Variants in ZNF792 observed in about 807,000 individuals in gnomAD.
ZNF792 encodes zinc finger protein 792.
A neutral mutation model predicts 13.1 loss-of-function variants in ZNF792; 14 were observed. The observed-to-expected ratio is 1.07, with a 90% CI of 0.71 to 1.67. The LOEUF (loss-of-function observed/expected upper bound fraction) is 1.67, where lower values mean the gene tolerates loss of function less well. Among genes scored for constraint, ZNF792 ranks in the 40% most tolerant of loss-of-function variants. ZNF792 has a pLI of 0.00. For missense variants in ZNF792, 740 were observed against 807.9 expected, an observed-to-expected ratio of 0.92 and a Z score of 1.02; for synonymous variants, 257 against 292.0, an observed-to-expected ratio of 0.88 and a Z score of 1.22.
intron 1 of ZNF792, 86 bp downstream of exon 1, chr19:34,963,544 T>C: frequency 6.5e-7 from 1 of 1,542,362 alleles, no homozygotes; most frequent in Non-Finnish European, 8.8e-7. Flanking sequence ...CGAAAAGTCC[T>C]AGAACAAAGC....
At position 34,964,031 on chromosome 19, in the gene ZNF792, T is replaced by G; in HGVS notation, c.-369A>C. The G allele has an allele frequency of 4.1e-6, 1 of 244,404 alleles. No homozygotes were observed. The allele number at this position is 244,404 out of a possible 1,614,324, so 15.1% of individuals were successfully genotyped here. ...CCCCCAACTCGGGGTCCCCAGCTCC[T>G]GGGGACTCAGCCTCCCCGCCGGGAA... On this transcript the variant is annotated 5_prime_UTR_variant, in exon 1 of 4. Coordinates refer to ENST00000404801, the MANE Select transcript of ZNF792 (RefSeq NM_175872.5).
chr19:34,963,950 T>C lies in ZNF792; in HGVS notation c.-288A>G, dbSNP rs1026882111. ...GGGGGTCCCGGCCTCACTGTCCCCCTCGCGGTCCGGGAAAGCCGGCGGGGC... is the reference window on the plus strand; with the variant it reads ...GGGGGTCCCGGCCTCACTGTCCCCCCCGCGGTCCGGGAAAGCCGGCGGGGC... On this transcript the variant is annotated 5_prime_UTR_variant, in exon 1 of 4. Coordinates refer to ENST00000404801, the MANE Select transcript of ZNF792 (RefSeq NM_175872.5). The C allele has an allele frequency of 2.6e-6, 1 of 388,590 alleles. No homozygotes were observed. The highest frequency in any genetic ancestry group is 4.5e-5 in the Admixed American group (1 of 22,350). 24.1% of individuals were successfully genotyped at this position (388,590 alleles called of 1,614,324 possible).
At position 34,963,633 on chromosome 19, in the gene ZNF792, C is replaced by T. The variant is rs1176072497; in HGVS notation, c.30G>A (p.Ala10=). The T allele has an allele frequency of 5.0e-6, 8 of 1,602,380 alleles. No individual in the cohort carries two copies. Among genetic ancestry groups the T allele is most frequent in the Middle Eastern group, 1.6e-4 (1 of 6,064 alleles). The change falls in exon 1 of 4, where the codon GCG becomes GCA. Residue 10 remains alanine, a synonymous_variant. Transcript: ENST00000404801. ...GGCCTAACGTCCAAGCACTCACCTG[C>T]GCGGGGTCCCGCAGCGCCGCCGCTG... is the stretch of plus-strand genomic sequence containing the variant. The part of the protein sequence containing the change: MAAAALRDP[A]QGCVTFEDVT...
chr19:34,959,158 T>G lies in ZNF792; in HGVS notation c.697A>C (p.Ser233Arg). 6.2e-7 allele frequency: 1 copy of G among 1,613,908 alleles called. No homozygotes were observed. Reference sequence around the variant, plus strand: ...GTGGCCTCGTGCGGCTCCCCATCGCTGGGAGTGACCTCACACTGCAGAAAC... The same window carrying G: ...GTGGCCTCGTGCGGCTCCCCATCGCGGGGAGTGACCTCACACTGCAGAAAC... ...AGFLQCEVTPSDGEPHEATEG... is the reference protein window; with the variant it reads ...AGFLQCEVTPRDGEPHEATEG... Residue 233 changes from serine (S) to arginine (R), a missense_variant, in exon 4 of 4, where the codon AGC becomes CGC. By Grantham distance (110) the Ser-to-Arg change is moderately radical. Transcript: ENST00000404801.
intron 2 of ZNF792, 23 bp from the exon 3 acceptor site, chr19:34,960,380 C>A: frequency 6.2e-7 from 1 of 1,608,706 alleles, no homozygotes; most frequent in South Asian, 1.1e-5. Flanking sequence ...CAGAGTGGGT[C>A]AGTGGCCAGC....
In ZNF792 at chr19:34,959,207, C is replaced by T. The variant is rs35715851; in HGVS notation, c.648G>A (p.Gly216=). ...ACCCTGCTGTGGCCACAAAGTCCTT[C>T]CCACCCTCCCTGCAGGTGGAAAGCT... ...SDQLSTCREG[G]KDFVATAGFL... Residue 216 remains glycine (G), a synonymous_variant, in exon 4 of 4, where the codon GGG becomes GGA. Coordinates refer to ENST00000404801, the MANE Select transcript of ZNF792 (RefSeq NM_175872.5). 0.029 allele frequency: 46,420 copies of T among 1,613,994 alleles called. 746 individuals carry two copies. Among genetic ancestry groups the T allele is most frequent in the Non-Finnish European group, 0.033 (38,434 of 1,179,880 alleles).
In ZNF792 at chr19:34,957,904, C is replaced by A; in HGVS notation, c.*52G>T. 2.3e-5 allele frequency: 35 copies of A among 1,516,338 alleles called. No homozygotes were observed. The highest frequency in any genetic ancestry group is 3.0e-5 in the Non-Finnish European group (34 of 1,131,218). 93.9% of individuals were successfully genotyped at this position (1,516,338 alleles called of 1,614,324 possible). A position where few individuals can be genotyped will look rare whatever the true frequency, so the allele number is the denominator to read the frequency against. On this transcript the variant is annotated 3_prime_UTR_variant, in exon 4 of 4. Transcript: ENST00000404801. ...AGTGAAAAAACGCTGATAAACTCTA[C>A]AGTAAGAGAATGTAACTTGTCTCCA...
Position 34,963,797 on chromosome 19 carries a change from C to A in ZNF792, c.-135G>T. The A allele has an allele frequency of 9.8e-7, 1 of 1,019,416 alleles. No individual in the cohort carries two copies. Among genetic ancestry groups the A allele is most frequent in the Non-Finnish European group, 1.4e-6 (1 of 714,812 alleles). The allele number at this position is 1,019,416 out of a possible 1,614,324, so 63.1% of individuals were successfully genotyped here. A position where few individuals can be genotyped will look rare whatever the true frequency, so the allele number is the denominator to read the frequency against. On this transcript the variant is annotated 5_prime_UTR_variant, in exon 1 of 4. Transcript: ENST00000404801. The stretch of plus-strand genomic sequence containing the variant: ...GTGACCCCGGGCTGAGGGTCGCACT[C>A]CTAGCCTCAGTCTCCCCCGTGCAAA...
In ZNF792 at chr19:34,959,480, A is replaced by G; in HGVS notation, c.375T>C (p.Thr125=). Residue 125 remains threonine (T), a synonymous_variant, in exon 4 of 4, where the codon ACT becomes ACC. Transcript: ENST00000404801. ...GVAQDRSPEA[T]LCPQKTCPCD... ...AGGGGCAGGTCTTCTGGGGGCACAG[A>G]GTTGCCTCGGGACTCCTGTCCTGTG... is the stretch of plus-strand genomic sequence containing the variant. 1 of 1,612,880 alleles carries G rather than the reference A, an allele frequency of 6.2e-7. No homozygotes were observed. The highest frequency in any genetic ancestry group is 1.1e-5 in the South Asian group (1 of 90,894).
In ZNF792 at chr19:34,963,815, C is replaced by G. The variant is rs1384255986; in HGVS notation, c.-153G>C. The G allele has an allele frequency of 2.3e-6, 2 of 886,362 alleles. No homozygotes were observed. The highest frequency in any genetic ancestry group is 1.7e-5 in the African/African-American group (1 of 57,608). 54.9% of individuals were successfully genotyped at this position (886,362 alleles called of 1,614,324 possible). ...TCGCACTCCTAGCCTCAGTCTCCCC[C>G]GTGCAAAATGCGCAAGGGGCCCGGG... On this transcript the variant is annotated 5_prime_UTR_variant, in exon 1 of 4. Transcript: ENST00000404801.
In ZNF792 at chr19:34,960,923, C is replaced by T. The variant is rs1294486013; in HGVS notation, c.105G>A (p.Gln35=). 2 of 1,613,922 alleles carry T rather than the reference C, an allele frequency of 1.2e-6. No homozygotes were observed. Among genetic ancestry groups the T allele is most frequent in the Non-Finnish European group, 1.7e-6 (2 of 1,179,970 alleles). ...GCATCACATCGCAGTACAGGAGTCT[C>T]TGAGCCTCATCGAGGAGCACCCACT... The part of the protein sequence containing the change: ...QEEWVLLDEA[Q]RLLYCDVMLE... The change falls in exon 2 of 4, where the codon CAG becomes CAA. Residue 35 remains glutamine, a synonymous_variant. Coordinates refer to ENST00000404801, the MANE Select transcript of ZNF792 (RefSeq NM_175872.5).
In ZNF792 at chr19:34,957,319, A is replaced by G. The variant is rs2013446556; in HGVS notation, c.*637T>C. 6.6e-6 allele frequency: 1 copy of G among 152,146 alleles called. No individual in the cohort carries two copies. Among genetic ancestry groups the G allele is most frequent in the Non-Finnish European group, 1.5e-5 (1 of 68,026 alleles). The allele number at this position is 152,146 out of a possible 1,614,324, so 9.4% of individuals were successfully genotyped here. A position where few individuals can be genotyped will look rare whatever the true frequency, so the allele number is the denominator to read the frequency against. On this transcript the variant is annotated 3_prime_UTR_variant, in exon 4 of 4. Coordinates refer to ENST00000404801, the MANE Select transcript of ZNF792 (RefSeq NM_175872.5). ...CCCATAAATTCCTACAATTTTTCCT[A>G]GGAGGCCTTGGTGGCAATGCAAATG...
intron 2 of ZNF792, 116 bp downstream of exon 2, chr19:34,960,752 A>G: frequency 6.7e-7 from 1 of 1,501,828 alleles, no homozygotes; most frequent in Non-Finnish European, 9.2e-7. Context: ...ATACCAGGAA[A>G]GTGGGGATGG....
At position 34,963,842 on chromosome 19, in the gene ZNF792, C is replaced by G; in HGVS notation, c.-180G>C. 1.4e-6 allele frequency: 1 copy of G among 691,034 alleles called. No individual in the cohort carries two copies. Among genetic ancestry groups the G allele is most frequent in the Non-Finnish European group, 2.3e-6 (1 of 438,468 alleles). 42.8% of individuals were successfully genotyped at this position (691,034 alleles called of 1,614,324 possible). A position where few individuals can be genotyped will look rare whatever the true frequency, so the allele number is the denominator to read the frequency against. On this transcript the variant is annotated 5_prime_UTR_variant, in exon 1 of 4. Coordinates refer to ENST00000404801, the MANE Select transcript of ZNF792 (RefSeq NM_175872.5). ...TGCAAAATGCGCAAGGGGCCCGGGG[C>G]GCAGGCTCCGGGGGCGCCGAGAGCG...
chr19:34,961,587 C>G (rs933161451), intron 1 of ZNF792, among the ~76,000 whole-genome samples: 2 of 152,300 alleles, frequency 1.3e-5, no homozygotes, highest in South Asian at 2.1e-4. Flanking sequence ...GAGCGCTCCA[C>G]CCTTGCCTTG....
intron 1 of ZNF792, among the ~76,000 whole-genome samples, chr19:34,961,532 G>C (rs1251208110): frequency 6.6e-6 from 1 of 152,060 alleles, no homozygotes; most frequent in Non-Finnish European, 1.5e-5. Flanking sequence ...CCAGACCTTT[G>C]ATGGCCTCCA....
chr19:34,961,990 C>T, intron 1 of ZNF792, among the ~76,000 whole-genome samples: 1 of 152,168 alleles, frequency 6.6e-6, no homozygotes, highest in Non-Finnish European at 1.5e-5. Flanking sequence ...CCTGCCAGAC[C>T]CTCTGATACA....
chr19:34,961,104 C>T, intron 1 of ZNF792, 110 bp from the exon 2 acceptor site: 1 of 1,475,576 alleles, frequency 6.8e-7, no homozygotes, highest in Non-Finnish European at 9.1e-7. Context: ...AGGTAGCAGG[C>T]CCTGGTTCTG....
chr19:34,960,839 G>C (rs759288516), intron 2 of ZNF792, 29 bp downstream of exon 2: 4 of 1,613,822 alleles, frequency 2.5e-6, no homozygotes, highest in Non-Finnish European at 3.4e-6. Flanking sequence ...GAGGAGCTCG[G>C]GACACCGGGG....
Sources: allele counts gnomAD v4.1 joint callset (sites outside exome capture counted in the v4.1 genomes callset), GRCh38; gene constraint gnomAD v4.1.1; transcripts MANE v1.5; gene names NCBI Gene and HGNC (gene_info 2026-07-23, HGNC 2026-07-21).